GREB1L: variants seen among roughly 807,000 people sequenced by gnomAD.
The protein encoded by GREB1L is GREB1 like retinoic acid receptor coactivator.
GREB1L carries 17 observed loss-of-function variants against 200.8 expected under a neutral mutation model. The ratio of observed to expected loss-of-function variants is 0.08; its 90% confidence interval spans 0.06 to 0.13. The LOEUF (loss-of-function observed/expected upper bound fraction) is 0.13, where lower values mean the gene tolerates loss of function less well. GREB1L is among the 10% of genes least tolerant of loss of function. The pLI is 1.00. For missense variants in GREB1L, 1,657 were observed against 2,367.7 expected, an observed-to-expected ratio of 0.70 and a Z score of 6.23; for synonymous variants, 789 against 893.0, an observed-to-expected ratio of 0.88 and a Z score of 2.08.
intron 2 of GREB1L, among the ~76,000 whole-genome samples, chr18:21,372,241 C>T (rs1174337917): frequency 1.3e-5 from 2 of 151,516 alleles, no homozygotes; most frequent in South Asian, 2.1e-4. Context: ...CTCCGCCTCC[C>T]GAGTTCAAGC....
At chr18:21,410,713 C>A in intron 7 of GREB1L, among the ~76,000 whole-genome samples, 1 of 145,528 alleles carries the variant, frequency 6.9e-6, no homozygotes. Flanking sequence ...TAACTTCTAA[C>A]TATTAGGAGT....
At chr18:21,249,405 C>T (rs1277192007) in intron 1 of GREB1L, among the ~76,000 whole-genome samples, 2 of 152,144 alleles carry the variant, frequency 1.3e-5, no homozygotes, top group Non-Finnish European at 2.9e-5. Context: ...CTGGCAGGAC[C>T]CAGGAATCTT....
intron 1 of GREB1L, among the ~76,000 whole-genome samples, chr18:21,275,037 C>T (rs184191994): frequency 1.4e-3 from 219 of 152,186 alleles, no homozygotes; most frequent in East Asian, 1.9e-3. Flanking sequence ...GTCAGGAGAT[C>T]GAGACCATCC....
intron 1 of GREB1L, among the ~76,000 whole-genome samples, chr18:21,325,623 TG>T (rs1235082447): frequency 6.6e-6 from 1 of 151,826 alleles, no homozygotes; most frequent in African/African-American, 2.4e-5. Context: ...GAGACAAACC[TG>T]GGCAACAGAG....
intron 1 of GREB1L, among the ~76,000 whole-genome samples, chr18:21,301,970 G>A (rs1425882847): frequency 6.6e-6 from 1 of 152,178 alleles, no homozygotes; most frequent in Admixed American, 6.5e-5. Context: ...AGAAAAAGGA[G>A]GAAACTCAGG....
chr18:21,260,176 GAA>G (rs2037867446), intron 1 of GREB1L, among the ~76,000 whole-genome samples: 1 of 151,818 alleles, frequency 6.6e-6, no homozygotes, highest in African/African-American at 2.4e-5. Context: ...TCACTTTTTA[GAA>G]ATTTGGATTT....
chr18:21,350,238 C>CTT (rs1019497941), intron 1 of GREB1L, among the ~76,000 whole-genome samples: 28 of 133,294 alleles, frequency 2.1e-4, no homozygotes, highest in African/African-American at 5.2e-4. Context: ...TTCTTTCTTT[C>CTT]TTTTTTTTTT....
chr18:21,347,835 C>T (rs1189169088), intron 1 of GREB1L, among the ~76,000 whole-genome samples: 1 of 143,100 alleles, frequency 7.0e-6, no homozygotes, highest in Admixed American at 7.2e-5. Flanking sequence ...GGCACAATCT[C>T]GGCTCACTGC....
In GREB1L at chr18:21,269,783, G is replaced by T. The variant is rs781671424; in HGVS notation, c.-120+27390G>T. ...CTCAGTTGTATATACATATTTATAT[G>T]ATTCTTAGCAACAGTTCATTAACAT... On this transcript the variant is annotated intron_variant, in intron 1 of 32. Transcript: ENST00000424526. 6.6e-4 allele frequency among the ~76,000 whole-genome samples: 100 copies of T among 152,198 alleles called. 1 individual carries two copies. The highest frequency in any genetic ancestry group is 6.8e-3 in the Middle Eastern group (2 of 294).
chr18:21,376,533 A>G (rs1359243438), intron 2 of GREB1L, among the ~76,000 whole-genome samples: 4 of 151,270 alleles, frequency 2.6e-5, no homozygotes, highest in African/African-American at 9.7e-5. Flanking sequence ...GGCCGGGCGC[A>G]GTGGCTCATG....
At chr18:21,467,450 G>A (rs1291517524) in intron 15 of GREB1L, among the ~76,000 whole-genome samples, 2 of 152,184 alleles carry the variant, frequency 1.3e-5, no homozygotes, top group African/African-American at 2.4e-5. Flanking sequence ...ATAGGCATCT[G>A]TCCAAAGGAG....
Position 21,452,147 on chromosome 18 carries a change from T to C in GREB1L, c.1914T>C (p.Pro638=), listed in dbSNP as rs2034557896. Residue 638 remains proline (P), a synonymous_variant, in exon 14 of 33, where the codon CCT becomes CCC. Transcript: ENST00000424526. ...QQRRGDSVVT[P]FDGDLNECVS... ...GAAGAGGAGACAGTGTGGTTACCCC[T>C]TTCGATGGAGACCTTAATGAATGTG... 1.3e-6 allele frequency: 2 copies of C among 1,551,920 alleles called. No individual in the cohort carries two copies. The highest frequency in any genetic ancestry group is 1.7e-6 in the Non-Finnish European group (2 of 1,146,996).
chr18:21,495,308 A>G (rs2036502933), intron 19 of GREB1L, among the ~76,000 whole-genome samples: 2 of 152,218 alleles, frequency 1.3e-5, no homozygotes, highest in African/African-American at 2.4e-5. Flanking sequence ...AATTTCTCCA[A>G]TGTGTGAAGA....
chr18:21,380,631 T>C (rs2040265810), intron 2 of GREB1L: 1 of 152,262 alleles, frequency 6.6e-6, no homozygotes, highest in Non-Finnish European at 1.5e-5. Flanking sequence ...AGTGAACTGG[T>C]CACTTCGTTT....
intron 1 of GREB1L, among the ~76,000 whole-genome samples, chr18:21,313,325 A>T (rs1306735448): frequency 3.3e-5 from 5 of 152,216 alleles, no homozygotes; most frequent in African/African-American, 4.8e-5. Flanking sequence ...GGGTGCTTTA[A>T]CATGTATTAT....
At chr18:21,322,980 T>G (rs1166177701) in intron 1 of GREB1L, among the ~76,000 whole-genome samples, 1 of 152,128 alleles carries the variant, frequency 6.6e-6, no homozygotes, top group Non-Finnish European at 1.5e-5. Flanking sequence ...TTAAGTTCAA[T>G]ACATAGAAAT....
chr18:21,295,169 T>C (rs1431276193), intron 1 of GREB1L, among the ~76,000 whole-genome samples: 1 of 152,200 alleles, frequency 6.6e-6, no homozygotes, highest in Admixed American at 6.5e-5. Context: ...TATCCTAAAA[T>C]GGGGTGGTTA....
chr18:21,513,753 T>C, intron 27 of GREB1L, 68 bp from the exon 28 acceptor site: 1 of 1,424,752 alleles, frequency 7.0e-7, no homozygotes, highest in Non-Finnish European at 9.6e-7. Context: ...TATAGCTGCC[T>C]GTGGGGCTTC....
At chr18:21,517,292 A>C (rs1375212971) in intron 30 of GREB1L, among the ~76,000 whole-genome samples, 1 of 152,136 alleles carries the variant, frequency 6.6e-6, no homozygotes, top group Non-Finnish European at 1.5e-5. Context: ...CCTTAAATCT[A>C]AGTTTCTTTG....
Sources: gnomAD v4.1 joint callset for allele counts (sites outside exome capture counted in the v4.1 genomes callset) on GRCh38, gnomAD v4.1.1 for gene constraint, MANE v1.5 for transcripts, NCBI Gene and HGNC (gene_info 2026-07-23, HGNC 2026-07-21) for gene names.